The following CFAP20DC variants were observed in gnomAD, a reference collection of about 807,000 sequenced individuals.
CFAP20DC encodes CFAP20 domain containing.
A neutral mutation model predicts 101.7 loss-of-function variants in CFAP20DC; 84 were observed. That is an observed-to-expected ratio of 0.83 (90% CI 0.69 to 0.99). The LOEUF (loss-of-function observed/expected upper bound fraction) is 0.99. Among genes scored for constraint, CFAP20DC ranks in the 50% least tolerant of loss-of-function variants. The pLI is 0.00. For synonymous variants in CFAP20DC, 359 were observed against 351.2 expected, an observed-to-expected ratio of 1.02 and a Z score of -0.25; for missense variants, 1,007 against 970.3, an observed-to-expected ratio of 1.04 and a Z score of -0.50.
chr3:58,965,577 T>C (rs773001362), intron 4 of CFAP20DC, among the ~76,000 whole-genome samples: 7 of 152,186 alleles, frequency 4.6e-5, no homozygotes, highest in Non-Finnish European at 1.0e-4. Flanking sequence ...GTCTGAGCTT[T>C]ACATAGTTGT....
Position 58,866,578 on chromosome 3 carries a change from G to A in CFAP20DC, c.1246C>T (p.Pro416Ser), listed in dbSNP as rs1257788256. The change falls in exon 11 of 17, where the codon CCT becomes TCT. Residue 416 changes from proline (P) to serine (S), a missense_variant. Coordinates refer to ENST00000482387, the MANE Select transcript of CFAP20DC (RefSeq NM_001394063.1). ...TAAAGATGCCAACCTGATTGATCAG[G>A]AGACTGGGGTCCTAGAGTGCCGGAG... is the stretch of plus-strand genomic sequence containing the variant. ...LNSGTLGPQS[P>S]DQSDEWIFPE... The A allele has an allele frequency of 6.2e-7, 1 of 1,611,204 alleles. No individual in the cohort carries two copies.
intron 14 of CFAP20DC, among the ~76,000 whole-genome samples, chr3:58,809,237 A>C (rs2074390695): frequency 2.0e-5 from 3 of 152,012 alleles, no homozygotes. Context: ...ACCCCAAATC[A>C]ACAGAATATA....
In CFAP20DC at chr3:58,788,945, G is replaced by A. The variant is rs2072617484; in HGVS notation, c.2237+17450C>T. Among the ~76,000 whole-genome samples the A allele has an allele frequency of 6.6e-6, 1 of 152,004 alleles. No homozygotes were observed. The highest frequency in any genetic ancestry group is 1.5e-5 in the Non-Finnish European group (1 of 67,966). Reference sequence around the variant, plus strand: ...AACCCACATATATGAAAAATGGGTTGGAAAAAATCTGTGTCATAATTTGTA... The same window carrying A: ...AACCCACATATATGAAAAATGGGTTAGAAAAAATCTGTGTCATAATTTGTA... On this transcript the variant is annotated intron_variant, in intron 15 of 16. Transcript: ENST00000482387. This position sits in a 1 kb window ranked among gnomAD's most constrained non-coding sequence, Gnocchi z 4.2.
At chr3:58,768,694 C>G (rs1196230785) in intron 15 of CFAP20DC, among the ~76,000 whole-genome samples, 1 of 152,190 alleles carries the variant, frequency 6.6e-6, no homozygotes, top group Admixed American at 6.5e-5. Context: ...AAAGCCTTGA[C>G]TAGCCTGGTT....
At position 58,869,101 on chromosome 3, in the gene CFAP20DC, A is replaced by G. The variant is rs887489632; in HGVS notation, c.1015+227T>C. Among the ~76,000 whole-genome samples the G allele has an allele frequency of 6.6e-6, 1 of 152,240 alleles. No individual in the cohort carries two copies. The highest frequency in any genetic ancestry group is 1.5e-5 in the Non-Finnish European group (1 of 68,036). ...TACATCAGTTGCCATAAAATAAAAC[A>G]CAGGGTATTATAGCAATTTGAAATA... On this transcript the variant is annotated intron_variant, in intron 9 of 16. Transcript: ENST00000482387. The surrounding 1 kb of genome is among the most constrained non-coding windows in gnomAD (Gnocchi z 4.3).
intron 6 of CFAP20DC, among the ~76,000 whole-genome samples, chr3:58,886,846 T>C (rs1454526100): frequency 2.0e-5 from 3 of 152,210 alleles, no homozygotes; most frequent in Non-Finnish European, 2.9e-5. Context: ...AATTTCTATA[T>C]ATGTTTGATT....
At chr3:58,763,118 T>C (rs1244492991) in intron 15 of CFAP20DC, among the ~76,000 whole-genome samples, 1 of 152,214 alleles carries the variant, frequency 6.6e-6, no homozygotes, top group Non-Finnish European at 1.5e-5. Context: ...TCCTGGATAA[T>C]ATCCTGCAGA....
intron 7 of CFAP20DC, among the ~76,000 whole-genome samples, chr3:58,884,340 C>T (rs1351976697): frequency 2.0e-5 from 3 of 152,262 alleles, no homozygotes; most frequent in East Asian, 3.9e-4. Flanking sequence ...CTCAGGCAAC[C>T]GGCCCACTTT....
At chr3:58,959,780 C>T (rs745902341) in intron 4 of CFAP20DC, among the ~76,000 whole-genome samples, 36 of 152,246 alleles carry the variant, frequency 2.4e-4, no homozygotes, top group South Asian at 1.0e-3. Flanking sequence ...TCATCAATTT[C>T]GACAAAAACA....
At chr3:58,824,168 C>T (rs577792009) in intron 14 of CFAP20DC, among the ~76,000 whole-genome samples, 1 of 152,092 alleles carries the variant, frequency 6.6e-6, no homozygotes, top group Non-Finnish European at 1.5e-5. Flanking sequence ...CAACTGCATA[C>T]CTTTTTAGTT....
At chr3:58,842,479 C>T (rs1006571345) in intron 13 of CFAP20DC, among the ~76,000 whole-genome samples, 1 of 152,054 alleles carries the variant, frequency 6.6e-6, no homozygotes, top group Non-Finnish European at 1.5e-5. Context: ...CGGCGCACCA[C>T]GAGACTATAT....
At chr3:58,719,524 T>C (rs1305119145) in intron 3 of CFAP20DC, among the ~76,000 whole-genome samples, 2 of 152,340 alleles carry the variant, frequency 1.3e-5, no homozygotes, top group East Asian at 3.9e-4. Flanking sequence ...AGATCCTGTG[T>C]TCTACCCAGA....
intron 15 of CFAP20DC, among the ~76,000 whole-genome samples, chr3:58,789,244 G>C (rs1321206866): frequency 6.6e-6 from 1 of 152,112 alleles, no homozygotes; most frequent in African/African-American, 2.4e-5. Context: ...TAACTTTAAC[G>C]AGAGAATAAT....
rs560892531 is a variant in CFAP20DC, at chr3:58,761,213, G to T, written c.2238-7350C>A. 7.7e-3 allele frequency among the ~76,000 whole-genome samples: 1,174 copies of T among 152,190 alleles called. 13 individuals are homozygous for T. The highest frequency in any genetic ancestry group is 0.027 in the African/African-American group (1,138 of 41,520). ...TATTAATTATTGCCTCAATTTCAGA[G>T]CCTGTCATTGGTCTATTCAGAGATT... On this transcript the variant is annotated intron_variant, in intron 15 of 16. Transcript: ENST00000482387.
rs1276826212 is a variant in CFAP20DC, at chr3:58,893,598, C to CT, written c.551-8890dup. On this transcript the variant is annotated intron_variant, in intron 6 of 16. Transcript: ENST00000482387. ...ATCAAGGATATTGGCCTTAAGTTTT[C>CT]TTTTTTTGTGGTATATCTGCCAGGT... 7.1e-4 allele frequency among the ~76,000 whole-genome samples: 108 copies of CT among 152,156 alleles called. 2 individuals carry two copies. The highest frequency in any genetic ancestry group is 2.4e-3 in the Admixed American group (36 of 15,264).
At chr3:58,949,950 G>T (rs1258809241) in intron 4 of CFAP20DC, among the ~76,000 whole-genome samples, 3 of 152,160 alleles carry the variant, frequency 2.0e-5, no homozygotes, top group African/African-American at 7.2e-5. Flanking sequence ...GAAATAAAGG[G>T]CATTCAATTA....
intron 6 of CFAP20DC, among the ~76,000 whole-genome samples, chr3:58,890,476 C>A (rs1179655370): frequency 4.9e-5 from 7 of 143,708 alleles, no homozygotes; most frequent in Non-Finnish European, 7.6e-5. Context: ...GGCGGCTGGT[C>A]GGGCAGAGGG....
Position 58,806,460 on chromosome 3 carries a change from GA to G in CFAP20DC, c.2176-5del, listed in dbSNP as rs757254166. On this transcript the variant is annotated splice_polypyrimidine_tract_variant and splice_region_variant and intron_variant, in intron 14 of 16. Transcript: ENST00000482387. ...AGTGGCGACCCTGGTTGACAGGCTG[GA>G]AAAGACAAAACATTTGTGAATGTTT... is the stretch of plus-strand genomic sequence containing the variant. The G allele has an allele frequency of 1.9e-6, 3 of 1,607,688 alleles. No individual in the cohort carries two copies. Among genetic ancestry groups the G allele is most frequent in the South Asian group, 2.2e-5 (2 of 90,952 alleles).
chr3:59,010,783 T>C (rs562840136), intron 4 of CFAP20DC, among the ~76,000 whole-genome samples: 33 of 152,286 alleles, frequency 2.2e-4, no homozygotes, highest in African/African-American at 6.3e-4. Context: ...ACATGGAACA[T>C]TCTCCAAGAA....
Sources: allele counts gnomAD v4.1 joint callset (sites outside exome capture counted in the v4.1 genomes callset), GRCh38; gene constraint gnomAD v4.1.1; non-coding constraint Gnocchi (gnomAD v3.1); transcripts MANE v1.5; gene names NCBI Gene and HGNC (gene_info 2026-07-23, HGNC 2026-07-21).